KCNIP4: variants seen among roughly 807,000 people sequenced by gnomAD.
The protein encoded by KCNIP4 is potassium voltage-gated channel interacting protein 4.
KCNIP4 carries 12 observed loss-of-function variants against 34.0 expected under a neutral mutation model. That is an observed-to-expected ratio of 0.35 (90% CI 0.23 to 0.57). The LOEUF (loss-of-function observed/expected upper bound fraction) is 0.57. Among genes scored for constraint, KCNIP4 ranks in the 20% least tolerant of loss-of-function variants. The pLI is 0.83. For synonymous variants in KCNIP4, 124 were observed against 102.2 expected, an observed-to-expected ratio of 1.21 and a Z score of -1.29; for missense variants, 238 against 311.7, an observed-to-expected ratio of 0.76 and a Z score of 1.78.
chr4:21,895,853 C>G (rs1473724198), intron 1 of KCNIP4, among the ~76,000 whole-genome samples: 4 of 152,162 alleles, frequency 2.6e-5, no homozygotes, highest in Non-Finnish European at 4.4e-5. Flanking sequence ...TCCAATAAGA[C>G]TCAGATTGAT....
chr4:21,011,542 G>A (rs979222370), intron 1 of KCNIP4, among the ~76,000 whole-genome samples: 6 of 152,056 alleles, frequency 3.9e-5, no homozygotes, highest in African/African-American at 1.4e-4. Context: ...AAATGATTAC[G>A]TATAATTTAA....
chr4:20,744,076 C>A (rs879804316), intron 5 of KCNIP4, among the ~76,000 whole-genome samples: 5 of 152,146 alleles, frequency 3.3e-5, no homozygotes, highest in Admixed American at 3.3e-4. Context: ...CCATCTCACA[C>A]CAGTTAGAAT....
intron 1 of KCNIP4, among the ~76,000 whole-genome samples, chr4:21,017,019 CAT>C (rs761756434): frequency 6.6e-6 from 1 of 152,032 alleles, no homozygotes; most frequent in African/African-American, 2.4e-5. Context: ...TTTATGAACT[CAT>C]AGAAGGGTTA....
At chr4:20,917,780 G>A (rs1728996268) in intron 1 of KCNIP4, among the ~76,000 whole-genome samples, 1 of 152,072 alleles carries the variant, frequency 6.6e-6, no homozygotes, top group African/African-American at 2.4e-5. Flanking sequence ...GCCTGTATCA[G>A]GAGGCAGAGA....
At position 21,758,372 on chromosome 4, in the gene KCNIP4, G is replaced by A. The variant is rs1183395233; in HGVS notation, c.61+190199C>T. On this transcript the variant is annotated intron_variant, in intron 1 of 8. Coordinates refer to ENST00000382152, the MANE Select transcript of KCNIP4 (RefSeq NM_025221.6). ...TGGTTTTGTGGGAGAGTGCATGTTT[G>A]GAAAGTGCCTTAAAAACAGGGTGAC... Among the ~76,000 whole-genome samples the A allele has an allele frequency of 3.9e-5, 6 of 152,194 alleles. 1 individual carries two copies.
rs144989532 is a variant in KCNIP4 at position 21,398,818 on chromosome 4, G to A, written c.62-516109C>T. On this transcript the variant is annotated intron_variant, in intron 1 of 8. Transcript: ENST00000382152. Reference sequence around the variant, plus strand: ...TCTCCTTCTTGCTATCATTCATAGCGCTAGAGAATTTTAGACTAGAAAAGA... The same window carrying A: ...TCTCCTTCTTGCTATCATTCATAGCACTAGAGAATTTTAGACTAGAAAAGA... 9.6e-3 allele frequency among the ~76,000 whole-genome samples: 1,457 copies of A among 152,090 alleles called. 27 individuals are homozygous for A. Among genetic ancestry groups the A allele is most frequent in the African/African-American group, 0.033 (1,378 of 41,478 alleles).
chr4:21,781,834 A>T (rs1719591183), intron 1 of KCNIP4, among the ~76,000 whole-genome samples: 1 of 152,116 alleles, frequency 6.6e-6, no homozygotes. Flanking sequence ...GCTTAAAGAG[A>T]GGTAAAGTTT....
intron 1 of KCNIP4, among the ~76,000 whole-genome samples, chr4:21,030,260 A>G (rs1740903399): frequency 6.6e-6 from 1 of 152,158 alleles, no homozygotes; most frequent in African/African-American, 2.4e-5. Context: ...TGTGCATGCA[A>G]GGGATCTCGG....
chr4:20,864,822 C>A (rs920977064), intron 2 of KCNIP4, among the ~76,000 whole-genome samples: 2 of 152,086 alleles, frequency 1.3e-5, no homozygotes, highest in Non-Finnish European at 2.9e-5. Context: ...AGTGGCAGAA[C>A]TGGGCCTAAA....
intron 1 of KCNIP4, among the ~76,000 whole-genome samples, chr4:21,131,942 A>G (rs988673489): frequency 1.3e-5 from 2 of 152,194 alleles, no homozygotes; most frequent in Non-Finnish European, 2.9e-5. Flanking sequence ...AAATGGGGCC[A>G]TTGTATTGGA....
chr4:20,923,812 T>G (rs978301937), intron 1 of KCNIP4, among the ~76,000 whole-genome samples: 15 of 152,176 alleles, frequency 9.9e-5, no homozygotes, highest in African/African-American at 3.6e-4. Context: ...GAAAAGAGAA[T>G]GGAAAGAAGC....
At chr4:21,404,214 A>G (rs978928230) in intron 1 of KCNIP4, among the ~76,000 whole-genome samples, 2 of 151,960 alleles carry the variant, frequency 1.3e-5, no homozygotes, top group African/African-American at 4.8e-5. Flanking sequence ...CATCCTCATT[A>G]CTCTCTGTTC....
At chr4:21,462,241 T>C (rs1162177444) in intron 1 of KCNIP4, among the ~76,000 whole-genome samples, 1 of 152,144 alleles carries the variant, frequency 6.6e-6, no homozygotes, top group African/African-American at 2.4e-5. Context: ...GATAAAGATA[T>C]ACCCAAGACT....
chr4:21,020,858 A>C (rs1477990541), intron 1 of KCNIP4, among the ~76,000 whole-genome samples: 5 of 152,204 alleles, frequency 3.3e-5, no homozygotes, highest in Non-Finnish European at 5.9e-5. Flanking sequence ...TGGGAGGAAG[A>C]GTTCCCAAAT....
intron 3 of KCNIP4, among the ~76,000 whole-genome samples, chr4:20,845,261 T>A (rs1720224088): frequency 6.6e-6 from 1 of 152,034 alleles, no homozygotes; most frequent in Admixed American, 6.6e-5. Flanking sequence ...GGAAAACCAC[T>A]AAAGAAGAAA....
intron 1 of KCNIP4, among the ~76,000 whole-genome samples, chr4:21,092,473 T>C (rs1206492923): frequency 6.6e-6 from 1 of 152,206 alleles, no homozygotes; most frequent in African/African-American, 2.4e-5. Flanking sequence ...TTCTTTTATA[T>C]CTGTTCTGTT....
intron 1 of KCNIP4, among the ~76,000 whole-genome samples, chr4:20,964,446 G>T (rs1734144562): frequency 6.6e-6 from 1 of 152,192 alleles, no homozygotes; most frequent in African/African-American, 2.4e-5. Context: ...TCTCTTTAGA[G>T]AAGAAGGATA....
chr4:21,234,317 TA>T lies in KCNIP4; in HGVS notation c.62-351609del, dbSNP rs1560198999. The stretch of plus-strand genomic sequence containing the variant: ...TTATATATAACATATATAACATATA[TA>T]TAACATATATAAATTATATATAACA... On this transcript the variant is annotated intron_variant, in intron 1 of 8. Transcript: ENST00000382152. Among the ~76,000 whole-genome samples, 59 of 109,772 alleles carry T rather than the reference TA, an allele frequency of 5.4e-4. 10 individuals are homozygous for T. Among genetic ancestry groups the T allele is most frequent in the Middle Eastern group, 0.011 (1 of 88 alleles). The allele number at this position is 109,772 out of a possible 152,430, so 72.0% of individuals were successfully genotyped here.
chr4:21,495,008 C>G (rs149297932), intron 1 of KCNIP4, among the ~76,000 whole-genome samples: 1 of 152,138 alleles, frequency 6.6e-6, no homozygotes, highest in African/African-American at 2.4e-5. Flanking sequence ...CAAAGAAATA[C>G]ATTAACAAAA....
Sources: gnomAD v4.1 joint callset for allele counts (sites outside exome capture counted in the v4.1 genomes callset) on GRCh38, gnomAD v4.1.1 for gene constraint, MANE v1.5 for transcripts, NCBI Gene and HGNC (gene_info 2026-07-23, HGNC 2026-07-21) for gene names.